The following EXOC4 variants were observed in gnomAD, a reference collection of about 807,000 sequenced individuals.
EXOC4 encodes the protein exocyst complex component 4, also known as SEC8-like 1.
EXOC4 carries 71 observed loss-of-function variants against 107.2 expected under a neutral mutation model. The observed-to-expected ratio is 0.66, with a 90% CI of 0.55 to 0.81. The LOEUF (loss-of-function observed/expected upper bound fraction) is 0.81. EXOC4 is among the 30% of genes least tolerant of loss of function. The probability of loss-of-function intolerance (pLI) is 0.00; values close to 1 mark genes in which losing one functional copy is unlikely to be tolerated. For synonymous variants in EXOC4, 456 were observed against 441.2 expected, an observed-to-expected ratio of 1.03 and a Z score of -0.42; for missense variants, 1,108 against 1,189.6, an observed-to-expected ratio of 0.93 and a Z score of 1.01.
At chr7:133,491,137 AC>A (rs1056712563) in intron 9 of EXOC4, among the ~76,000 whole-genome samples, 2 of 152,186 alleles carry the variant, frequency 1.3e-5, no homozygotes, top group Non-Finnish European at 2.9e-5. Context: ...GCATTAAGTT[AC>A]TTTTGGCTTC....
intron 13 of EXOC4, among the ~76,000 whole-genome samples, chr7:133,934,289 G>A (rs758411015): frequency 2.0e-5 from 3 of 152,054 alleles, no homozygotes; most frequent in East Asian, 1.9e-4. Flanking sequence ...ACAAATCCTC[G>A]AAGGAATGAT....
intron 12 of EXOC4, among the ~76,000 whole-genome samples, chr7:133,916,628 T>G (rs1799813980): frequency 6.6e-6 from 1 of 152,162 alleles, no homozygotes; most frequent in African/African-American, 2.4e-5. Context: ...GGAGGTATCA[T>G]ACATACATGC....
chr7:134,007,226 A>G (rs1780909044), intron 16 of EXOC4, among the ~76,000 whole-genome samples: 1 of 152,196 alleles, frequency 6.6e-6, no homozygotes, highest in Admixed American at 6.5e-5. Context: ...TAGCTTCCCA[A>G]TCAACTTTTG....
chr7:133,594,405 C>T (rs1801615605), intron 9 of EXOC4, among the ~76,000 whole-genome samples: 1 of 150,886 alleles, frequency 6.6e-6, no homozygotes, highest in Non-Finnish European at 1.5e-5. Context: ...GGGTATAGGC[C>T]CTGAATAAAA....
At chr7:133,900,409 A>G (rs907320256) in intron 12 of EXOC4, among the ~76,000 whole-genome samples, 2 of 152,220 alleles carry the variant, frequency 1.3e-5, no homozygotes, top group African/African-American at 4.8e-5. Context: ...GGAATTAGAC[A>G]TAGGTTTGAA....
At chr7:133,801,502 T>A (rs1326693602) in intron 10 of EXOC4, among the ~76,000 whole-genome samples, 1 of 152,194 alleles carries the variant, frequency 6.6e-6, no homozygotes, top group Non-Finnish European at 1.5e-5. Context: ...GGCAAATGAA[T>A]GTTAGATGGG....
chr7:133,692,858 TTAA>T (rs1195438474), intron 10 of EXOC4, among the ~76,000 whole-genome samples: 1 of 152,168 alleles, frequency 6.6e-6, no homozygotes, highest in Non-Finnish European at 1.5e-5. Flanking sequence ...GAAGTAGAAA[TTAA>T]TTATTTGCCA....
chr7:133,261,915 C>CA (rs1472002902), intron 1 of EXOC4, among the ~76,000 whole-genome samples: 1 of 152,150 alleles, frequency 6.6e-6, no homozygotes, highest in Non-Finnish European at 1.5e-5. Flanking sequence ...AGTTACCTGT[C>CA]ACACGTGTGC....
chr7:134,092,938 A>AAAAAAAAAAAAAAAT, the EXOC4 span, among the ~76,000 whole-genome samples: 1 of 151,078 alleles, frequency 6.6e-6, no homozygotes, highest in Non-Finnish European at 1.5e-5. Context: ...AAAAAAAAAA[A>AAAAAAAAAAAAAAAT]GGAAACCAAA....
At chr7:133,761,059 G>A (rs1796022582) in intron 10 of EXOC4, among the ~76,000 whole-genome samples, 1 of 152,006 alleles carries the variant, frequency 6.6e-6, no homozygotes. Context: ...TAAGTGAGAG[G>A]GCAAACAAAC....
intron 7 of EXOC4, among the ~76,000 whole-genome samples, chr7:133,386,012 G>GACAGA (rs1796718112): frequency 6.6e-6 from 1 of 151,588 alleles, no homozygotes; most frequent in African/African-American, 2.4e-5. Flanking sequence ...TTTTCTAATT[G>GACAGA]TGAATATTCA....
intron 14 of EXOC4, among the ~76,000 whole-genome samples, chr7:133,955,431 C>A (rs1800794351): frequency 6.6e-6 from 1 of 152,184 alleles, no homozygotes; most frequent in Non-Finnish European, 1.5e-5. Context: ...CTCCTCTCTG[C>A]AGGCAGGTCA....
intron 10 of EXOC4, among the ~76,000 whole-genome samples, chr7:133,751,393 C>T (rs901230920): frequency 1.3e-5 from 2 of 152,100 alleles, no homozygotes; most frequent in African/African-American, 4.8e-5. Flanking sequence ...CAGGGAAAGA[C>T]CTGAGAAAAC....
chr7:134,073,661 ATT>A, the EXOC4 span, among the ~76,000 whole-genome samples: 1 of 143,158 alleles, frequency 7.0e-6, no homozygotes, highest in Non-Finnish European at 1.5e-5. Flanking sequence ...AAAATGTCAC[ATT>A]CTTTTTTTTT....
chr7:133,794,057 A>T (rs1796762339), intron 10 of EXOC4, among the ~76,000 whole-genome samples: 1 of 152,092 alleles, frequency 6.6e-6, no homozygotes, highest in African/African-American at 2.4e-5. Flanking sequence ...TGCAGTCCTG[A>T]TACAGTGAGA....
At chr7:133,494,431 A>G (rs1276301461) in intron 9 of EXOC4, among the ~76,000 whole-genome samples, 1 of 152,242 alleles carries the variant, frequency 6.6e-6, no homozygotes, top group Non-Finnish European at 1.5e-5. Flanking sequence ...TCCCCACAGC[A>G]TGTCTGCTGA....
intron 9 of EXOC4, among the ~76,000 whole-genome samples, chr7:133,623,773 T>C (rs1366723362): frequency 6.6e-6 from 1 of 152,204 alleles, no homozygotes; most frequent in Non-Finnish European, 1.5e-5. Flanking sequence ...TTTGTTTTCT[T>C]CTTGATATAG....
At chr7:134,062,158 G>T (rs1054839049) in intron 17 of EXOC4, among the ~76,000 whole-genome samples, 1 of 152,162 alleles carries the variant, frequency 6.6e-6, no homozygotes, top group Admixed American at 6.5e-5. Flanking sequence ...TGATTTGCTT[G>T]CAGGAGAGCT....
intron 9 of EXOC4, among the ~76,000 whole-genome samples, chr7:133,608,937 T>C (rs950417274): frequency 6.6e-6 from 1 of 152,236 alleles, no homozygotes; most frequent in African/African-American, 2.4e-5. Context: ...AAATATAACT[T>C]ATATGTTCAT....
Sources: gnomAD v4.1 joint callset for allele counts (sites outside exome capture counted in the v4.1 genomes callset) on GRCh38, gnomAD v4.1.1 for gene constraint, MANE v1.5 for transcripts, NCBI Gene and HGNC (gene_info 2026-07-23, HGNC 2026-07-21) for gene names.